Variants in NRXN3 observed in about 807,000 individuals in gnomAD.
NRXN3 encodes the protein neurexin III.
Under a neutral mutation model 137.6 loss-of-function variants are expected in NRXN3, and 32 were observed. The ratio of observed to expected loss-of-function variants is 0.23; its 90% CI spans 0.18 to 0.31. NRXN3 has a LOEUF of 0.31. NRXN3 is among the 10% of genes least tolerant of loss of function. The pLI, the probability that NRXN3 is intolerant of heterozygous loss-of-function variation, is 1.00. For synonymous variants in NRXN3, 798 were observed against 784.5 expected, an observed-to-expected ratio of 1.02 and a Z score of -0.29; for missense variants, 1,574 against 2,062.5, an observed-to-expected ratio of 0.76 and a Z score of 4.59.
intron 3 of NRXN3, among the ~76,000 whole-genome samples, chr14:78,291,244 G>A (rs983615141): frequency 6.6e-6 from 1 of 152,220 alleles, no homozygotes; most frequent in Non-Finnish European, 1.5e-5. Context: ...CTAAGGTAGT[G>A]TGACTTTAGC....
chr14:78,426,944 T>C (rs993092501), intron 4 of NRXN3, among the ~76,000 whole-genome samples: 14 of 152,154 alleles, frequency 9.2e-5, no homozygotes, highest in African/African-American at 3.4e-4. Context: ...ATAAACATGT[T>C]CAGCCCTCAA....
rs145895832 is a variant in NRXN3, at chr14:79,436,738, G to T, written c.3263-30483G>T. On this transcript the variant is annotated intron_variant, in intron 15 of 20. Coordinates refer to ENST00000335750, the MANE Select transcript of NRXN3 (RefSeq NM_001330195.2). Reference sequence around the variant, plus strand: ...ATTTGGTTAGGAAGCATCCTTTTTCGCAACAGTGAGGACTGCAGGTACCAC... The same window carrying T: ...ATTTGGTTAGGAAGCATCCTTTTTCTCAACAGTGAGGACTGCAGGTACCAC... Among the ~76,000 whole-genome samples the T allele has an allele frequency of 5.9e-3, 899 of 152,192 alleles. 8 individuals carry two copies. Among genetic ancestry groups the T allele is most frequent in the African/African-American group, 0.021 (861 of 41,536 alleles).
chr14:78,616,104 C>A (rs2097345073), intron 4 of NRXN3, among the ~76,000 whole-genome samples: 1 of 152,232 alleles, frequency 6.6e-6, no homozygotes, highest in Non-Finnish European at 1.5e-5. Context: ...CACTCAGCTC[C>A]TCCAGTGGAT....
intron 15 of NRXN3, among the ~76,000 whole-genome samples, chr14:79,158,415 A>T (rs1179604371): frequency 6.6e-6 from 1 of 151,866 alleles, no homozygotes; most frequent in Admixed American, 6.6e-5. Context: ...AATACCTACT[A>T]TTATGATGTA....
At chr14:78,769,293 T>A (rs1348447803) in intron 8 of NRXN3, among the ~76,000 whole-genome samples, 1 of 152,208 alleles carries the variant, frequency 6.6e-6, no homozygotes, top group Non-Finnish European at 1.5e-5. Context: ...GTATCCAAAT[T>A]TCCCCCTTCC....
intron 19 of NRXN3, among the ~76,000 whole-genome samples, chr14:79,756,950 G>A (rs2099021703): frequency 6.6e-6 from 1 of 152,182 alleles, no homozygotes; most frequent in African/African-American, 2.4e-5. Context: ...TGCCTCTGCT[G>A]TATTCCTTAG....
intron 4 of NRXN3, among the ~76,000 whole-genome samples, chr14:78,558,773 T>A (rs2152254640): frequency 6.6e-6 from 1 of 152,322 alleles, no homozygotes; most frequent in Non-Finnish European, 1.5e-5. Context: ...ATGAAAAAAA[T>A]AATGATAAAT....
At chr14:79,440,383 A>G (rs2095915038) in intron 15 of NRXN3, among the ~76,000 whole-genome samples, 1 of 152,234 alleles carries the variant, frequency 6.6e-6, no homozygotes, top group Non-Finnish European at 1.5e-5. Flanking sequence ...TTTCTTAAAG[A>G]TTGACAACAA....
intron 15 of NRXN3, among the ~76,000 whole-genome samples, chr14:79,224,847 G>T (rs940214407): frequency 2.0e-5 from 3 of 152,208 alleles, no homozygotes; most frequent in African/African-American, 7.2e-5. Flanking sequence ...GATCACCAAG[G>T]ATTGCTGCCA....
intron 4 of NRXN3, among the ~76,000 whole-genome samples, chr14:78,409,435 G>GAGAT (rs2092695166): frequency 6.6e-6 from 1 of 152,210 alleles, no homozygotes; most frequent in Non-Finnish European, 1.5e-5. Context: ...GGGAGTAAGG[G>GAGAT]AGATACATGT....
chr14:79,018,579 T>G (rs1041269420), intron 15 of NRXN3, among the ~76,000 whole-genome samples: 8 of 152,168 alleles, frequency 5.3e-5, no homozygotes, highest in Non-Finnish European at 1.2e-4. Context: ...CTCTGGACAG[T>G]GTTTTATTCA....
chr14:79,041,946 TG>T (rs1439041628), intron 15 of NRXN3, among the ~76,000 whole-genome samples: 1 of 151,930 alleles, frequency 6.6e-6, no homozygotes, highest in Non-Finnish European at 1.5e-5. Flanking sequence ...AGAAGAATAG[TG>T]AACAACTAAA....
At chr14:79,054,282 C>T (rs2099650383) in intron 15 of NRXN3, among the ~76,000 whole-genome samples, 1 of 151,936 alleles carries the variant, frequency 6.6e-6, no homozygotes, top group Non-Finnish European at 1.5e-5. Context: ...GCACGTTATG[C>T]ACATGTACCC....
intron 15 of NRXN3, among the ~76,000 whole-genome samples, chr14:79,338,022 CAGA>C (rs904280413): frequency 4.2e-4 from 64 of 152,166 alleles, no homozygotes; most frequent in African/African-American, 1.5e-3. Flanking sequence ...ATGTAAAGTA[CAGA>C]AGATTACTTC....
At chr14:78,333,144 ACTCTTG>A (rs2081039916) in intron 4 of NRXN3, among the ~76,000 whole-genome samples, 1 of 152,098 alleles carries the variant, frequency 6.6e-6, no homozygotes, top group Non-Finnish European at 1.5e-5. Flanking sequence ...CTAAGGCAGA[ACTCTTG>A]CTCCTTGGAT....
At chr14:78,585,605 G>A (rs2097054539) in intron 4 of NRXN3, among the ~76,000 whole-genome samples, 1 of 152,106 alleles carries the variant, frequency 6.6e-6, no homozygotes, top group African/African-American at 2.4e-5. Context: ...CTCATTCTGG[G>A]CATATCTTGA....
At chr14:79,029,309 A>G (rs538577340) in intron 15 of NRXN3, among the ~76,000 whole-genome samples, 2 of 152,216 alleles carry the variant, frequency 1.3e-5, no homozygotes, top group East Asian at 3.9e-4. Flanking sequence ...AGTTTTCAAT[A>G]ATAATAATAC....
intron 20 of NRXN3, among the ~76,000 whole-genome samples, chr14:79,818,676 A>G (rs1034577217): frequency 6.6e-6 from 1 of 151,998 alleles, no homozygotes; most frequent in Admixed American, 6.5e-5. Flanking sequence ...CTTTTTCCTC[A>G]CTTCCTTGCA....
At chr14:79,631,829 G>C (rs1179101009) in intron 16 of NRXN3, among the ~76,000 whole-genome samples, 3 of 135,708 alleles carry the variant, frequency 2.2e-5, no homozygotes, top group African/African-American at 9.6e-5. Flanking sequence ...ATCAGGTAGG[G>C]GACTTGGAGA....
Sources: allele counts gnomAD v4.1 joint callset (sites outside exome capture counted in the v4.1 genomes callset), GRCh38; gene constraint gnomAD v4.1.1; transcripts MANE v1.5; gene names NCBI Gene and HGNC (gene_info 2026-07-23, HGNC 2026-07-21).